The following ABR variants were observed in gnomAD, a reference collection of about 807,000 sequenced individuals.
The protein encoded by ABR is ABR activator of RhoGEF and GTPase.
In ABR, 35 loss-of-function variants were observed where a neutral mutation model predicts 107.2. That is an observed-to-expected ratio of 0.33 (90% CI 0.25 to 0.43). ABR has a LOEUF of 0.43. Among genes scored for constraint, ABR ranks in the 20% least tolerant of loss-of-function variants. The probability of loss-of-function intolerance (pLI) is 1.00; values close to 1 mark genes in which losing one functional copy is unlikely to be tolerated. For missense variants in ABR, 815 were observed against 1,115.2 expected (o/e 0.73, Z 3.83); for synonymous variants, 498 against 462.0 (o/e 1.08, Z -1.00).
intron 16 of ABR, among the ~76,000 whole-genome samples, chr17:1,043,460 C>T (rs896737342): frequency 4.6e-5 from 7 of 152,188 alleles, no homozygotes; most frequent in African/African-American, 2.4e-5. Flanking sequence ...TGAGCCACCG[C>T]GCCCGGCCCC....
intron 1 of ABR, among the ~76,000 whole-genome samples, chr17:1,176,179 G>A (rs549033455): frequency 6.6e-6 from 1 of 151,086 alleles, no homozygotes; most frequent in East Asian, 2.1e-4. Flanking sequence ...GCCTCAGTGG[G>A]TTCAGACAGC....
At chr17:1,119,950 G>A (rs9747670) in intron 2 of ABR, among the ~76,000 whole-genome samples, 113,043 of 152,052 alleles carry the variant, frequency 0.74, 42,254 homozygotes, top group East Asian at 0.88. Context: ...ATGCCTATTC[G>A]CAGGCGTGAT....
rs1412720573 is a variant in ABR at position 1,210,863 on chromosome 17, C to T, written c.838+17930G>A. ...ACATCAACCTGTAGGGCCAGATGGACGGAAAGGGCCCTATATTTTAAAGGT... is the reference window on the plus strand; with the variant it reads ...ACATCAACCTGTAGGGCCAGATGGATGGAAAGGGCCCTATATTTTAAAGGT... On this transcript the variant is annotated intron_variant, in intron 1 of 22. Coordinates refer to the ABR transcript ENST00000574139. The surrounding 1 kb of genome is among the most constrained non-coding windows in gnomAD (Gnocchi z 5.6). 6.6e-6 allele frequency among the ~76,000 whole-genome samples: 1 copy of T among 152,088 alleles called. No homozygotes were observed. Among genetic ancestry groups the T allele is most frequent in the African/African-American group, 2.4e-5 (1 of 41,412 alleles).
intron 4 of ABR, among the ~76,000 whole-genome samples, chr17:1,088,403 A>G (rs1279772612): frequency 6.6e-6 from 1 of 151,560 alleles, no homozygotes; most frequent in African/African-American, 2.4e-5. Context: ...CTAGAACCAG[A>G]GTGTGGCATT....
At chr17:1,169,009 C>T (rs1010623700) in intron 1 of ABR, among the ~76,000 whole-genome samples, 7 of 152,206 alleles carry the variant, frequency 4.6e-5, no homozygotes, top group Admixed American at 1.3e-4. Context: ...GCTGGGTGGA[C>T]GCCAGCTGGT....
intron 1 of ABR, among the ~76,000 whole-genome samples, chr17:1,158,317 A>G (rs1211825200): frequency 6.6e-6 from 1 of 151,698 alleles, no homozygotes; most frequent in Non-Finnish European, 1.5e-5. Context: ...GCTGGTCTCA[A>G]ACTCCTGGAC....
At chr17:1,058,182 C>T (rs1294611376) in intron 11 of ABR, 137 bp from the exon 12 acceptor site, 15 of 509,958 alleles carry the variant, frequency 2.9e-5, no homozygotes, top group Non-Finnish European at 5.0e-5. Context: ...TCTTGTTGCC[C>T]AGGCTCTAGT....
intron 2 of ABR, among the ~76,000 whole-genome samples, chr17:1,110,453 A>G (rs890841593): frequency 1.2e-4 from 18 of 152,184 alleles, no homozygotes; most frequent in Non-Finnish European, 1.9e-4. Context: ...AGGAAACGCA[A>G]GCTCATGGCT....
upstream of ABR, among the ~76,000 whole-genome samples, chr17:1,191,354 CTTTTTT>C (rs761910557): frequency 3.1e-5 from 3 of 96,490 alleles, no homozygotes; most frequent in Admixed American, 1.3e-4. Flanking sequence ...TTTTTCTTTT[CTTTTTT>C]TTTTTTTTTT....
At chr17:1,104,314 G>A (rs1360231526) in intron 2 of ABR, among the ~76,000 whole-genome samples, 1 of 152,204 alleles carries the variant, frequency 6.6e-6, no homozygotes, top group Non-Finnish European at 1.5e-5. Context: ...CTAGAGATAA[G>A]GCGTGGCCAG....
rs573544870 is a variant in ABR, at chr17:1,170,798, T to G, written c.61+8869A>C. Among the ~76,000 whole-genome samples, 17 of 152,218 alleles carry G rather than the reference T, an allele frequency of 1.1e-4. No homozygotes were observed. In the South Asian group the frequency reaches 3.1e-3, roughly 28 times the overall value. On this transcript the variant is annotated intron_variant, in intron 1 of 22. Transcript: ENST00000302538. Reference sequence around the variant, plus strand: ...GTTTCTATGAATCCATCAGGACTGATGGACTTTCTTTTCACGGGACCCCAG... The same window carrying G: ...GTTTCTATGAATCCATCAGGACTGAGGGACTTTCTTTTCACGGGACCCCAG...
Position 1,194,943 on chromosome 17 carries a change from C to T in ABR, c.838+33850G>A, listed in dbSNP as rs1461089860. On this transcript the variant is annotated intron_variant, in intron 1 of 22. Coordinates refer to the ABR transcript ENST00000574139. The stretch of plus-strand genomic sequence containing the variant: ...CTGGAATTACAGGTGTGAGCCACCG[C>T]GCCCGACCCTAATTTTTTTTTTAAT... Among the ~76,000 whole-genome samples, 14 of 144,498 alleles carry T rather than the reference C, an allele frequency of 9.7e-5. 1 individual carries two copies. Among genetic ancestry groups the T allele is most frequent in the Admixed American group, 2.1e-4 (3 of 14,002 alleles). 94.8% of individuals were successfully genotyped at this position (144,498 alleles called of 152,430 possible).
upstream of ABR, among the ~76,000 whole-genome samples, chr17:1,182,918 G>C (rs1044468678): frequency 6.6e-6 from 1 of 152,186 alleles, no homozygotes; most frequent in Non-Finnish European, 1.5e-5. Flanking sequence ...ACGGCCAGAT[G>C]CTAACCTTGG....
chr17:1,046,944 T>C (rs1234360198), intron 16 of ABR, among the ~76,000 whole-genome samples: 1 of 152,184 alleles, frequency 6.6e-6, no homozygotes, highest in Non-Finnish European at 1.5e-5. Flanking sequence ...TGGTGACGCA[T>C]GCTGCCGTCT....
intron 1 of ABR, among the ~76,000 whole-genome samples, chr17:1,186,543 C>T (rs1029087961): frequency 6.6e-6 from 1 of 152,238 alleles, no homozygotes; most frequent in Admixed American, 6.5e-5. Context: ...CCACACACTT[C>T]CCAGGGGCCG....
chr17:1,022,106 C>CAAAAAAAAAAAAAAAAAAAAAA (rs759234729), intron 16 of ABR, among the ~76,000 whole-genome samples: 3 of 39,230 alleles, frequency 7.6e-5, no homozygotes, highest in African/African-American at 1.5e-4. Flanking sequence ...GACTCTGTCT[C>CAAAAAAAAAAAAAAAAAAAAAA]AAAAAAAAAA....
rs140781589 is a variant in ABR, at chr17:1,005,796, C to T, written c.*284G>A. On this transcript the variant is annotated 3_prime_UTR_variant, in exon 23 of 23. Transcript: ENST00000302538. ...GCCGGGCCGGTCACTACCTTTTCTG[C>T]CTGACAAGTGTACATAAAACAATTC... 1.5e-3 allele frequency: 711 copies of T among 483,044 alleles called. 1 individual carries two copies. The highest frequency in any genetic ancestry group is 5.1e-3 in the Middle Eastern group (9 of 1,768). 29.9% of individuals were successfully genotyped at this position (483,044 alleles called of 1,614,324 possible).
At position 1,200,005 on chromosome 17, in the gene ABR, T is replaced by C. The variant is rs1225015367; in HGVS notation, c.838+28788A>G. Among the ~76,000 whole-genome samples, 1 of 152,018 alleles carries C rather than the reference T, an allele frequency of 6.6e-6. No individual in the cohort carries two copies. The highest frequency in any genetic ancestry group is 1.9e-4 in the East Asian group (1 of 5,192). On this transcript the variant is annotated intron_variant, in intron 1 of 22. Coordinates refer to the ABR transcript ENST00000574139. This position sits in a 1 kb window ranked among gnomAD's most constrained non-coding sequence, Gnocchi z 4.1. ...CTGTTACATATGTATACATGTGCCA[T>C]GTTGGTGTGCTGCAACCATAGAGCT...
intron 6 of ABR, among the ~76,000 whole-genome samples, chr17:1,075,769 G>A (rs1017682093): frequency 2.2e-4 from 33 of 152,268 alleles, no homozygotes; most frequent in Admixed American, 9.8e-4. Flanking sequence ...GGGCCGGGCA[G>A]GGTGGCTCAC....
Sources: gnomAD v4.1 joint callset for allele counts (sites outside exome capture counted in the v4.1 genomes callset) on GRCh38, gnomAD v4.1.1 for gene constraint, Gnocchi (gnomAD v3.1) non-coding constraint, MANE v1.5 for transcripts, NCBI Gene and HGNC (gene_info 2026-07-23, HGNC 2026-07-21) for gene names.